Variants in ARHGAP39 observed in about 807,000 individuals in gnomAD.
ARHGAP39 encodes the protein rho GTPase-activating protein 39.
A neutral mutation model predicts 106.9 loss-of-function variants in ARHGAP39; 44 were observed. The observed-to-expected ratio is 0.41, with a 90% CI of 0.32 to 0.53. ARHGAP39 has a LOEUF of 0.53. ARHGAP39 is among the 20% of genes least tolerant of loss of function. ARHGAP39 has a pLI of 0.21. For missense variants in ARHGAP39, 1,496 were observed against 1,577.3 expected (o/e 0.95, Z 0.87); for synonymous variants, 768 against 693.2 (o/e 1.11, Z -1.69).
chr8:144,602,014 G>C (rs923282675), intron 2 of ARHGAP39, among the ~76,000 whole-genome samples: 1 of 135,658 alleles, frequency 7.4e-6, no homozygotes, highest in Non-Finnish European at 1.5e-5. Flanking sequence ...TGTGTGCATG[G>C]AGGCGTGTGT....
At chr8:144,546,071 T>C (rs564013924) in intron 5 of ARHGAP39, among the ~76,000 whole-genome samples, 299 of 152,298 alleles carry the variant, frequency 2.0e-3, no homozygotes, top group African/African-American at 6.7e-3. Flanking sequence ...CCAGGTGACC[T>C]GGCTGAGGGT....
chr8:144,634,166 G>A (rs1280735559), intron 1 of ARHGAP39, among the ~76,000 whole-genome samples: 1 of 150,998 alleles, frequency 6.6e-6, no homozygotes, highest in Admixed American at 6.6e-5. Flanking sequence ...CTCTGCAGGC[G>A]CAGTCTCCAC....
At chr8:144,657,064 AC>A (rs1390371423) in intron 1 of ARHGAP39, among the ~76,000 whole-genome samples, 3 of 152,082 alleles carry the variant, frequency 2.0e-5, no homozygotes, top group Non-Finnish European at 4.4e-5. Flanking sequence ...GCACTGGTGA[AC>A]ATTTAAGAAC....
At position 144,656,807 on chromosome 8, in the gene ARHGAP39, C is replaced by CAAAAAAAAAAA. The variant is rs35058065; in HGVS notation, c.-82+28868_-82+28878dup. 3.3e-4 allele frequency among the ~76,000 whole-genome samples: 14 copies of CAAAAAAAAAAA among 42,340 alleles called. 2 individuals carry two copies. The highest frequency in any genetic ancestry group is 5.0e-4 in the Non-Finnish European group (12 of 24,228). The allele number at this position is 42,340 out of a possible 152,430, so 27.8% of individuals were successfully genotyped here. A position where few individuals can be genotyped will look rare whatever the true frequency, so the allele number is the denominator to read the frequency against. On this transcript the variant is annotated intron_variant, in intron 1 of 11. Coordinates refer to ENST00000377307, the MANE Select transcript of ARHGAP39 (RefSeq NM_025251.3). ...TGGATGACAGAGCAAGACTCCATCT[C>CAAAAAAAAAAA]AAAAAAAAAAAAAAAAAAAAAAAAA...
rs1050297266 is a variant in ARHGAP39, at chr8:144,646,396, G to A, written c.-82+39290C>T. ...GAAACTTCGTAGCACATGCCTTCTT[G>A]GCTTCTGTTTGTTTTTAATCCTGTG... On this transcript the variant is annotated intron_variant, in intron 1 of 11. Transcript: ENST00000377307. The surrounding 1 kb of genome is among the most constrained non-coding windows in gnomAD (Gnocchi z 5.7). 6.6e-6 allele frequency among the ~76,000 whole-genome samples: 1 copy of A among 152,096 alleles called. No homozygotes were observed. Among genetic ancestry groups the A allele is most frequent in the Admixed American group, 6.5e-5 (1 of 15,270 alleles).
intron 1 of ARHGAP39, among the ~76,000 whole-genome samples, chr8:144,642,193 A>AT (rs1458566289): frequency 1.3e-5 from 2 of 152,180 alleles, no homozygotes; most frequent in African/African-American, 2.4e-5. Context: ...ACAAACAAAG[A>AT]TAAAAAGTGG....
At position 144,604,068 on chromosome 8, in the gene ARHGAP39, C is replaced by T. The variant is rs1225119094; in HGVS notation, c.80+1467G>A. Among the ~76,000 whole-genome samples, 1 of 152,230 alleles carries T rather than the reference C, an allele frequency of 6.6e-6. No individual in the cohort carries two copies. On this transcript the variant is annotated intron_variant, in intron 2 of 11. Transcript: ENST00000377307. The surrounding 1 kb of genome is among the most constrained non-coding windows in gnomAD (Gnocchi z 4.1). ...GAACAAGGAGACAGCAGGACTCCTGCTCAGGTCAAGGCAGAGTGCGGATCG... is the reference window on the plus strand; with the variant it reads ...GAACAAGGAGACAGCAGGACTCCTGTTCAGGTCAAGGCAGAGTGCGGATCG...
intron 1 of ARHGAP39, among the ~76,000 whole-genome samples, chr8:144,653,872 C>T (rs1007501103): frequency 2.0e-5 from 3 of 152,206 alleles, no homozygotes; most frequent in African/African-American, 7.2e-5. Context: ...ATTGTAATAA[C>T]TAGAATGTGA....
At chr8:144,664,218 C>T (rs1821904603) in intron 1 of ARHGAP39, among the ~76,000 whole-genome samples, 1 of 152,122 alleles carries the variant, frequency 6.6e-6, no homozygotes, top group Non-Finnish European at 1.5e-5. Context: ...TTTCCAGATT[C>T]CAACAGCCTA....
At chr8:144,596,051 C>T (rs1819609849) in intron 2 of ARHGAP39, among the ~76,000 whole-genome samples, 1 of 152,160 alleles carries the variant, frequency 6.6e-6, no homozygotes, top group African/African-American at 2.4e-5. Context: ...CCCCTCCTCA[C>T]CCAACAGGCT....
chr8:144,547,546 C>A lies in ARHGAP39; in HGVS notation c.1540G>T (p.Gly514Trp), dbSNP rs868741804. The A allele has an allele frequency of 6.8e-7, 1 of 1,474,902 alleles. No individual in the cohort carries two copies. Among genetic ancestry groups the A allele is most frequent in the East Asian group, 2.4e-5 (1 of 41,414 alleles). The allele number at this position is 1,474,902 out of a possible 1,614,324, so 91.4% of individuals were successfully genotyped here. A position where few individuals can be genotyped will look rare whatever the true frequency, so the allele number is the denominator to read the frequency against. The change falls in exon 5 of 12, where the codon GGG (glycine) becomes TGG (tryptophan). Residue 514 changes from glycine (G) to tryptophan (W), a missense_variant. This residue lies in a region of ARHGAP39 where 905 missense variants were observed against 816.4 expected (regional missense o/e 1.11). Coordinates refer to ENST00000377307, the MANE Select transcript of ARHGAP39 (RefSeq NM_025251.3). The surrounding 1 kb of genome is among the most constrained non-coding windows in gnomAD (Gnocchi z 5.2). ...AGGGGCTGCTCCACAAGCAGGTCCC[C>A]GGGGCCCTCAGTGGGGGTGGCGCTG... ...ATSATPTEGP[G>W]DLLVEQPLAE... is the part of the protein sequence containing the mutation.
chr8:144,542,904 A>G (rs1817258045), intron 6 of ARHGAP39, among the ~76,000 whole-genome samples: 1 of 150,708 alleles, frequency 6.6e-6, no homozygotes, highest in Non-Finnish European at 1.5e-5. Flanking sequence ...GCACCACTGC[A>G]CTCCTGAACT....
intron 1 of ARHGAP39, among the ~76,000 whole-genome samples, chr8:144,637,307 G>A (rs1010878304): frequency 4.6e-5 from 7 of 150,928 alleles, no homozygotes; most frequent in Non-Finnish European, 1.0e-4. Context: ...TTTTTCTTTT[G>A]AACCCTACAA....
chr8:144,587,951 C>G (rs149944419), intron 2 of ARHGAP39, among the ~76,000 whole-genome samples: 179 of 152,354 alleles, frequency 1.2e-3, no homozygotes, highest in Non-Finnish European at 2.2e-3. Context: ...CCAGAAGAAA[C>G]ATTTTTACAC....
At chr8:144,543,979 G>A (rs1226857500) in intron 6 of ARHGAP39, 2 of 152,466 alleles carry the variant, frequency 1.3e-5, no homozygotes, top group African/African-American at 4.8e-5. Context: ...CTCTGGAAGA[G>A]GAAGAGGAGG....
chr8:144,605,761 A>G (rs991011387), intron 1 of ARHGAP39, 66 bp from the exon 2 acceptor site: 31 of 764,040 alleles, frequency 4.1e-5, no homozygotes, highest in Admixed American at 8.7e-5. Flanking sequence ...CACCCGGCCC[A>G]GCCCACCGCC....
At chr8:144,635,679 C>T (rs1296878408) in intron 1 of ARHGAP39, among the ~76,000 whole-genome samples, 1 of 152,150 alleles carries the variant, frequency 6.6e-6, no homozygotes, top group African/African-American at 2.4e-5. Flanking sequence ...AGCGCTTACC[C>T]GGTGGGATCT....
intron 1 of ARHGAP39, among the ~76,000 whole-genome samples, chr8:144,637,658 T>TA (rs1176707750): frequency 6.6e-6 from 1 of 152,102 alleles, no homozygotes; most frequent in African/African-American, 2.4e-5. Context: ...TTTATAGACT[T>TA]AGAGATGTGT....
intron 1 of ARHGAP39, among the ~76,000 whole-genome samples, chr8:144,629,187 G>A (rs572635647): frequency 1.3e-5 from 2 of 152,320 alleles, no homozygotes; most frequent in Non-Finnish European, 2.9e-5. Context: ...TGCTCTTCTC[G>A]GTATCTTCTG....
Sources: gnomAD v4.1 joint callset for allele counts (sites outside exome capture counted in the v4.1 genomes callset) on GRCh38, gnomAD v4.1.1 for gene constraint, gnomAD v4.1.1 regional missense constraint, Gnocchi (gnomAD v3.1) non-coding constraint, MANE v1.5 for transcripts, NCBI Gene and HGNC (gene_info 2026-07-23, HGNC 2026-07-21) for gene names.